LRFN2: variants seen among roughly 807,000 people sequenced by gnomAD.
The protein encoded by LRFN2 is leucine-rich repeat and fibronectin type-III domain-containing protein 2.
LRFN2 carries 18 observed loss-of-function variants against 37.3 expected under a neutral mutation model. The observed-to-expected ratio is 0.48, with a 90% confidence interval of 0.33 to 0.72. The LOEUF (loss-of-function observed/expected upper bound fraction) is 0.72. Ranked by LOEUF, LRFN2 falls within the 30% of genes least tolerant of loss-of-function variation. LRFN2 has a pLI of 0.02. For missense variants in LRFN2, 1,006 were observed against 1,060.7 expected, an observed-to-expected ratio of 0.95 and a Z score of 0.72; for synonymous variants, 556 against 466.6, an observed-to-expected ratio of 1.19 and a Z score of -2.47.
intron 1 of LRFN2, among the ~76,000 whole-genome samples, chr6:40,492,820 A>AG (rs1221572419): frequency 1.3e-5 from 2 of 152,144 alleles, no homozygotes; most frequent in Non-Finnish European, 2.9e-5. Flanking sequence ...GGAGGAGAGG[A>AG]GGGGGTCACA....
At chr6:40,429,555 G>T (rs1341196118) in intron 2 of LRFN2, among the ~76,000 whole-genome samples, 1 of 152,192 alleles carries the variant, frequency 6.6e-6, no homozygotes, top group Non-Finnish European at 1.5e-5. Flanking sequence ...TGGCAAAGAT[G>T]AAAGTAATTA....
At chr6:40,498,229 G>A (rs1765281133) in intron 1 of LRFN2, among the ~76,000 whole-genome samples, 1 of 152,136 alleles carries the variant, frequency 6.6e-6, no homozygotes, top group Non-Finnish European at 1.5e-5. Context: ...ACAGCTGGAA[G>A]GGTCTGTCAC....
intron 1 of LRFN2, among the ~76,000 whole-genome samples, chr6:40,541,505 T>C (rs991044286): frequency 2.6e-5 from 4 of 152,068 alleles, no homozygotes; most frequent in African/African-American, 4.8e-5. Context: ...TGGGTGGGTA[T>C]TCACAAGATC....
intron 1 of LRFN2, among the ~76,000 whole-genome samples, chr6:40,487,304 A>T (rs546072307): frequency 1.1e-3 from 173 of 152,246 alleles, no homozygotes; most frequent in Non-Finnish European, 2.3e-3. Context: ...CATTTATGCC[A>T]ATGAGCCCCA....
At chr6:40,448,691 T>A (rs1764030351) in intron 1 of LRFN2, among the ~76,000 whole-genome samples, 1 of 152,206 alleles carries the variant, frequency 6.6e-6, no homozygotes, top group Admixed American at 6.5e-5. Flanking sequence ...GGTGTTGGTG[T>A]CTGGAGAGAT....
chr6:40,573,580 A>C (rs953369614), intron 1 of LRFN2, among the ~76,000 whole-genome samples: 8 of 152,226 alleles, frequency 5.3e-5, no homozygotes, highest in African/African-American at 1.9e-4. Context: ...AGTGGATATC[A>C]GAAACAACTG....
chr6:40,412,345 G>A lies in LRFN2; in HGVS notation c.1400+19369C>T, dbSNP rs928774199. On this transcript the variant is annotated intron_variant, in intron 2 of 2. Transcript: ENST00000338305. ...TTTGAGTTAATGAATTATTTATCAGGAAATTTATAAGATTTTTGGTTTTTT... is the reference window on the plus strand; with the variant it reads ...TTTGAGTTAATGAATTATTTATCAGAAAATTTATAAGATTTTTGGTTTTTT... 2.0e-5 allele frequency among the ~76,000 whole-genome samples: 3 copies of A among 152,146 alleles called. No homozygotes were observed. The South Asian group carries it at 6.2e-4, about 32-fold the overall frequency.
At chr6:40,577,010 C>T (rs1384369103) in intron 1 of LRFN2, among the ~76,000 whole-genome samples, 1 of 151,846 alleles carries the variant, frequency 6.6e-6, no homozygotes, top group Non-Finnish European at 1.5e-5. Context: ...CACAAGCATT[C>T]CCTCCTCCAG....
Position 40,392,583 on chromosome 6 carries a change from G to A in LRFN2, c.1730C>T (p.Ser577Leu), listed in dbSNP as rs767130533. 4.4e-6 allele frequency: 7 copies of A among 1,607,576 alleles called. No homozygotes were observed. Among genetic ancestry groups the A allele is most frequent in the African/African-American group, 1.3e-5 (1 of 74,950 alleles). ...KMAAAVSNVY[S>L]QTNGAQPPPP... ...CGGTGGCTGGGCGCCGTTGGTCTGC[G>A]AGTACACATTGCTCACGGCCGCTGC... Residue 577 changes from serine to leucine, a missense_variant, in exon 3 of 3, where the codon TCG (serine) becomes TTG (leucine). Transcript: ENST00000338305. This position sits in a 1 kb window ranked among gnomAD's most constrained non-coding sequence, Gnocchi z 4.7.
chr6:40,506,585 G>A (rs1765545964), intron 1 of LRFN2, among the ~76,000 whole-genome samples: 1 of 152,240 alleles, frequency 6.6e-6, no homozygotes. Context: ...TCAATGGAAG[G>A]TGCTAGCATG....
At chr6:40,448,430 T>A (rs1764024916) in intron 1 of LRFN2, among the ~76,000 whole-genome samples, 1 of 152,160 alleles carries the variant, frequency 6.6e-6, no homozygotes, top group South Asian at 2.1e-4. Flanking sequence ...TCTGCCAAAG[T>A]AATAATGATA....
rs149156016 is a variant in LRFN2 at position 40,504,830 on chromosome 6, C to T, written c.-18-71699G>A. Among the ~76,000 whole-genome samples, 970 of 152,218 alleles carry T rather than the reference C, an allele frequency of 6.4e-3. 6 individuals carry two copies. The highest frequency in any genetic ancestry group is 0.022 in the African/African-American group (917 of 41,510). ...AGTAGCTTGGTTTCACATGTGTGTG[C>T]GAGTTACAATGACCAAAGGCACACT... On this transcript the variant is annotated intron_variant, in intron 1 of 2. Transcript: ENST00000338305.
At chr6:40,529,802 G>A (rs1448813060) in intron 1 of LRFN2, among the ~76,000 whole-genome samples, 4 of 152,196 alleles carry the variant, frequency 2.6e-5, no homozygotes, top group Non-Finnish European at 4.4e-5. Flanking sequence ...CCCACAGGGT[G>A]GATGTGACAA....
chr6:40,469,738 G>A (rs1277457678), intron 1 of LRFN2, among the ~76,000 whole-genome samples: 1 of 152,100 alleles, frequency 6.6e-6, no homozygotes, highest in Non-Finnish European at 1.5e-5. Context: ...GCCTTTCGGG[G>A]TTCCAGTTCT....
chr6:40,471,428 G>GA (rs1309949083), intron 1 of LRFN2, among the ~76,000 whole-genome samples: 1 of 152,168 alleles, frequency 6.6e-6, no homozygotes, highest in Non-Finnish European at 1.5e-5. Context: ...GCTCTGCAAA[G>GA]TGTCACACCG....
chr6:40,455,447 G>C (rs1399700594), intron 1 of LRFN2, among the ~76,000 whole-genome samples: 1 of 152,212 alleles, frequency 6.6e-6, no homozygotes, highest in Non-Finnish European at 1.5e-5. Flanking sequence ...CTGGCTTCAA[G>C]AGCAGACCCT....
At chr6:40,451,631 A>T (rs1764112156) in intron 1 of LRFN2, among the ~76,000 whole-genome samples, 1 of 152,162 alleles carries the variant, frequency 6.6e-6, no homozygotes, top group Admixed American at 6.5e-5. Flanking sequence ...TCATTACTAG[A>T]ATTCGGTGGT....
At chr6:40,531,842 C>G (rs1766348999) in intron 1 of LRFN2, among the ~76,000 whole-genome samples, 1 of 152,176 alleles carries the variant, frequency 6.6e-6, no homozygotes, top group Non-Finnish European at 1.5e-5. Flanking sequence ...ATTCTATCAT[C>G]TACATTCCAG....
At chr6:40,565,187 G>A (rs1307550450) in intron 1 of LRFN2, among the ~76,000 whole-genome samples, 1 of 152,126 alleles carries the variant, frequency 6.6e-6, no homozygotes. Flanking sequence ...GGGATGTGAA[G>A]GACCTCTTCA....
Sources: gnomAD v4.1 joint callset for allele counts (sites outside exome capture counted in the v4.1 genomes callset) on GRCh38, gnomAD v4.1.1 for gene constraint, Gnocchi (gnomAD v3.1) non-coding constraint, MANE v1.5 for transcripts, NCBI Gene and HGNC (gene_info 2026-07-23, HGNC 2026-07-21) for gene names.